Variants in CBL observed in about 807,000 individuals in gnomAD.
CBL encodes the protein Cbl proto-oncogene.
A neutral mutation model predicts 96.9 loss-of-function variants in CBL; 45 were observed. That is an observed-to-expected ratio of 0.46 (90% CI 0.37 to 0.60). The LOEUF (loss-of-function observed/expected upper bound fraction) is 0.60. Among genes scored for constraint, CBL ranks in the 20% least tolerant of loss-of-function variants. The pLI, the probability that CBL is intolerant of heterozygous loss-of-function variation, is 0.00. For missense variants in CBL, 1,024 were observed against 1,143.5 expected, an observed-to-expected ratio of 0.90 and a Z score of 1.51; for synonymous variants, 420 against 426.8, an observed-to-expected ratio of 0.98 and a Z score of 0.20.
Position 119,306,720 on chromosome 11 carries a change from C to T in CBL, c.*6939C>T, listed in dbSNP as rs561420349. 4 of 251,020 alleles carry T rather than the reference C, an allele frequency of 1.6e-5. No homozygotes were observed. The highest frequency in any genetic ancestry group is 2.3e-5 in the Non-Finnish European group (3 of 130,240). 15.5% of individuals were successfully genotyped at this position (251,020 alleles called of 1,614,324 possible). ...GCTGTCTGGGTGAGTGAGCCTGCAA[C>T]GCAATGCCCATGAGAGTAAATGCCT... is the stretch of plus-strand genomic sequence containing the variant. On this transcript the variant is annotated 3_prime_UTR_variant, in exon 16 of 16. Transcript: ENST00000264033.
chr11:119,224,745 G>GA (rs1949442098), intron 1 of CBL, among the ~76,000 whole-genome samples: 2 of 151,492 alleles, frequency 1.3e-5, no homozygotes, highest in Non-Finnish European at 2.9e-5. Flanking sequence ...AGAAAACATT[G>GA]AAAAAATCAT....
chr11:119,206,630 C>T lies in CBL; in HGVS notation c.195+18C>T, dbSNP rs2135244298. The T allele has an allele frequency of 6.5e-6, 10 of 1,544,244 alleles. No homozygotes were observed. The highest frequency in any genetic ancestry group is 8.7e-6 in the Non-Finnish European group (10 of 1,144,636). On this transcript the variant is annotated intron_variant, in intron 1 of 15. Coordinates refer to ENST00000264033, the MANE Select transcript of CBL (RefSeq NM_005188.4). ...TGGACAAGGTGAAAGGCCGGCTGAG[C>T]GCCCGCTGTTGCAGGGTGGGCGTGG... is the stretch of plus-strand genomic sequence containing the variant.
intron 7 of CBL, 129 bp from the exon 8 acceptor site, chr11:119,278,033 AAAAT>A: frequency 1.1e-6 from 1 of 931,238 alleles, no homozygotes. Context: ...GGTTTAATAA[AAAAT>A]AAACCACTGT....
At chr11:119,264,014 A>T (rs1282457158) in intron 2 of CBL, among the ~76,000 whole-genome samples, 10 of 152,186 alleles carry the variant, frequency 6.6e-5, no homozygotes, top group Admixed American at 6.5e-4. Flanking sequence ...CTATACCATC[A>T]CTGAATGGCA....
At position 119,281,792 on chromosome 11, in the gene CBL, T is replaced by C. The variant is rs758913412; in HGVS notation, c.1431+3079T>C. ...GATTACAGGTGTGAGCCACTGCACC[T>C]GGCCCACCAGAAGCTTTTAAGATAT... On this transcript the variant is annotated intron_variant, in intron 9 of 15. Coordinates refer to ENST00000264033, the MANE Select transcript of CBL (RefSeq NM_005188.4). 4.1e-4 allele frequency among the ~76,000 whole-genome samples: 62 copies of C among 152,188 alleles called. 2 individuals are homozygous for C. Among genetic ancestry groups the C allele is most frequent in the South Asian group, 2.1e-4 (1 of 4,820 alleles).
Position 119,306,174 on chromosome 11 carries a change from G to A in CBL, c.*6393G>A, listed in dbSNP as rs1299542645. On this transcript the variant is annotated 3_prime_UTR_variant, in exon 16 of 16. Transcript: ENST00000264033. ...CCATGGCGAGTCAGGTGGGGAGCAC[G>A]GGTGGAAGGGCCGGCTGTTGACAGA... is the stretch of plus-strand genomic sequence containing the variant. The A allele has an allele frequency of 1.3e-5, 5 of 397,848 alleles. No individual in the cohort carries two copies. Among genetic ancestry groups the A allele is most frequent in the East Asian group, 7.1e-5 (2 of 28,072 alleles). 24.6% of individuals were successfully genotyped at this position (397,848 alleles called of 1,614,324 possible). A position where few individuals can be genotyped will look rare whatever the true frequency, so the allele number is the denominator to read the frequency against.
At chr11:119,214,386 A>G (rs1200280568) in intron 1 of CBL, among the ~76,000 whole-genome samples, 1 of 151,988 alleles carries the variant, frequency 6.6e-6, no homozygotes, top group Non-Finnish European at 1.5e-5. Flanking sequence ...AGTAGTTGGG[A>G]TTACAGGCGT....
chr11:119,261,163 C>T (rs927096317), intron 2 of CBL, among the ~76,000 whole-genome samples: 1 of 152,018 alleles, frequency 6.6e-6, no homozygotes, highest in Non-Finnish European at 1.5e-5. Flanking sequence ...AGCCGTCTGC[C>T]TTGGCCTCCC....
At chr11:119,206,701 G>C in intron 1 of CBL, 89 bp downstream of exon 1, 2 of 1,367,342 alleles carry the variant, frequency 1.5e-6, no homozygotes, top group South Asian at 2.6e-5. Context: ...GGAAGCGGGG[G>C]AGGGGACGGG....
At chr11:119,227,398 G>C (rs572856680) in intron 1 of CBL, among the ~76,000 whole-genome samples, 1 of 152,006 alleles carries the variant, frequency 6.6e-6, no homozygotes, top group Non-Finnish European at 1.5e-5. Flanking sequence ...GTAGTTGTTC[G>C]CTCTTTTTGG....
chr11:119,300,715 A>G lies in CBL; in HGVS notation c.*934A>G. ...TAAATACATTCCATGCCCTCCCCAG[A>G]AAATAGTCTGTGGGAGTCAGTTGCC... On this transcript the variant is annotated 3_prime_UTR_variant, in exon 16 of 16. Coordinates refer to ENST00000264033, the MANE Select transcript of CBL (RefSeq NM_005188.4). 1 of 396,992 alleles carries G rather than the reference A, an allele frequency of 2.5e-6. No individual in the cohort carries two copies. The highest frequency in any genetic ancestry group is 4.4e-6 in the Non-Finnish European group (1 of 225,288). The allele number at this position is 396,992 out of a possible 1,614,324, so 24.6% of individuals were successfully genotyped here.
At chr11:119,279,341 G>C (rs142799666) in intron 9 of CBL, among the ~76,000 whole-genome samples, 1 of 151,924 alleles carries the variant, frequency 6.6e-6, no homozygotes, top group Non-Finnish European at 1.5e-5. Flanking sequence ...CTCTACCCCT[G>C]ACTCCAAAAC....
In CBL at chr11:119,276,114, T is replaced by C. The variant is rs751556890; in HGVS notation, c.987T>C (p.Ile329=). The C allele has an allele frequency of 1.2e-6, 2 of 1,614,100 alleles. No individual in the cohort carries two copies. Among genetic ancestry groups the C allele is most frequent in the South Asian group, 1.1e-5 (1 of 91,080 alleles). ...PHNKPLFQAL[I]DGFREGFYLF... ...ATAAACCTCTCTTCCAAGCACTGAT[T>C]GATGGCTTCAGGGAAGGCTTGTGAG... Residue 329 remains isoleucine, a synonymous_variant, in exon 6 of 16, where the codon ATT becomes ATC. Coordinates refer to ENST00000264033, the MANE Select transcript of CBL (RefSeq NM_005188.4).
intron 2 of CBL, among the ~76,000 whole-genome samples, chr11:119,254,448 G>C (rs926212715): frequency 1.3e-5 from 2 of 152,096 alleles, no homozygotes; most frequent in African/African-American, 4.8e-5. Context: ...CACACACCTA[G>C]GCTATACGGT....
At chr11:119,278,799 A>G (rs1949910578) in intron 9 of CBL, 86 bp downstream of exon 9, 3 of 945,052 alleles carry the variant, frequency 3.2e-6, no homozygotes, top group Admixed American at 1.8e-5. Flanking sequence ...CCAAACTACA[A>G]TGATAGGTAG....
chr11:119,243,673 G>C (rs141751986), intron 2 of CBL, among the ~76,000 whole-genome samples: 7 of 151,954 alleles, frequency 4.6e-5, no homozygotes, highest in Non-Finnish European at 1.0e-4. Context: ...ACAACGGTAA[G>C]TATTAGAATT....
In CBL at chr11:119,229,889, G is replaced by A. The variant is rs912207121; in HGVS notation, c.196-2559G>A. ...ATTACAGGCATGTGCCACCATGTCC[G>A]GCTAATTTTTGAAGAATTCTTGATC... On this transcript the variant is annotated intron_variant, in intron 1 of 15. Transcript: ENST00000264033. 9.2e-5 allele frequency among the ~76,000 whole-genome samples: 14 copies of A among 151,632 alleles called. No homozygotes were observed. In the South Asian group the frequency reaches 1.7e-3, roughly 18 times the overall value.
rs114946011 is a variant in CBL, at chr11:119,297,128, T to C, written c.2153+94T>C. 303 of 798,458 alleles carry C rather than the reference T, an allele frequency of 3.8e-4. 4 individuals carry two copies. In the African/African-American group the frequency reaches 4.6e-3, roughly 12 times the overall value. 49.5% of individuals were successfully genotyped at this position (798,458 alleles called of 1,614,324 possible). A position where few individuals can be genotyped will look rare whatever the true frequency, so the allele number is the denominator to read the frequency against. On this transcript the variant is annotated intron_variant, in intron 13 of 15. Coordinates refer to ENST00000264033, the MANE Select transcript of CBL (RefSeq NM_005188.4). ...GGCTTGCTACCTGCACATACTGTTA[T>C]CCAGTCAGATTAAAGCAGAAAGATA...
intron 1 of CBL, among the ~76,000 whole-genome samples, chr11:119,208,359 T>TGG (rs1949290467): frequency 1.3e-5 from 2 of 152,058 alleles, no homozygotes; most frequent in African/African-American, 2.4e-5. Context: ...TTAAGAATAA[T>TGG]CTGTTTACTA....
Sources: allele counts gnomAD v4.1 joint callset (sites outside exome capture counted in the v4.1 genomes callset), GRCh38; gene constraint gnomAD v4.1.1; transcripts MANE v1.5; gene names NCBI Gene and HGNC (gene_info 2026-07-23, HGNC 2026-07-21).